PCDHA10: variants seen among roughly 807,000 people sequenced by gnomAD.
PCDHA10 encodes protocadherin alpha 10, also known as protocadherin alpha-10.
PCDHA10 carries 45 observed loss-of-function variants against 61.2 expected under a neutral mutation model. The observed-to-expected ratio is 0.74, with a 90% CI of 0.58 to 0.94. PCDHA10 has a LOEUF of 0.94. Among genes scored for constraint, PCDHA10 ranks in the 40% least tolerant of loss-of-function variants. The pLI is 0.00. For missense variants in PCDHA10, 1,278 were observed against 1,236.2 expected, an observed-to-expected ratio of 1.03 and a Z score of -0.51; for synonymous variants, 602 against 548.8, an observed-to-expected ratio of 1.10 and a Z score of -1.35.
chr5:140,876,729 G>C lies in PCDHA10; in HGVS notation c.2388+18293G>C, dbSNP rs781841207. The C allele has an allele frequency of 3.1e-6, 5 of 1,614,102 alleles. No homozygotes were observed. The East Asian group carries it at 6.7e-5, about 22-fold the overall frequency. On this transcript the variant is annotated intron_variant, in intron 1 of 3. Transcript: ENST00000307360. ...GCGCCCTGGACCGCGAGAGCGTGTC[G>C]GCCTATGAGCTGGTGGTGACTGCGC...
At position 141,010,430 on chromosome 5, in the gene PCDHA10, A is replaced by T; in HGVS notation, c.*493A>T. On this transcript the variant is annotated 3_prime_UTR_variant, in exon 4 of 4. Transcript: ENST00000307360. ...CTAATTGGTACAAGGAAGGCAAGAA[A>T]ACAAAGACAAATAAACAGCGGAAGT... 9.4e-7 allele frequency: 1 copy of T among 1,058,474 alleles called. No homozygotes were observed. Among genetic ancestry groups the T allele is most frequent in the Non-Finnish European group, 1.3e-6 (1 of 756,992 alleles). 65.6% of individuals were successfully genotyped at this position (1,058,474 alleles called of 1,614,324 possible). A position where few individuals can be genotyped will look rare whatever the true frequency, so the allele number is the denominator to read the frequency against.
At chr5:140,957,255 T>C (rs577479092) in intron 1 of PCDHA10, among the ~76,000 whole-genome samples, 88 of 152,306 alleles carry the variant, frequency 5.8e-4, no homozygotes, top group Non-Finnish European at 1.0e-3. Flanking sequence ...AAAATTTAAA[T>C]ATGTAAGCAC....
At chr5:140,871,116 C>T (rs200344692) in intron 1 of PCDHA10, 44 of 1,613,146 alleles carry the variant, frequency 2.7e-5, no homozygotes, top group Non-Finnish European at 3.6e-5. Flanking sequence ...TGGTGGAGAG[C>T]GGACAGGCGC....
intron 1 of PCDHA10, among the ~76,000 whole-genome samples, chr5:140,976,553 A>G (rs1554237789): frequency 1.3e-5 from 2 of 152,074 alleles, no homozygotes; most frequent in Non-Finnish European, 2.9e-5. Context: ...CCTATCTCAT[A>G]AATAAATAAA....
intron 1 of PCDHA10, chr5:140,866,748 C>CT (rs2049539198): frequency 6.6e-6 from 1 of 152,148 alleles, no homozygotes; most frequent in Non-Finnish European, 1.5e-5. Context: ...ACTTATATGA[C>CT]TAACAGGACA....
chr5:140,916,003 A>G (rs971043760), intron 1 of PCDHA10, among the ~76,000 whole-genome samples: 1 of 152,146 alleles, frequency 6.6e-6, no homozygotes, highest in Non-Finnish European at 1.5e-5. Context: ...CACTCAAACC[A>G]CAAGACAAAG....
chr5:140,926,349 G>A (rs1405832516), intron 1 of PCDHA10: 2 of 152,260 alleles, frequency 1.3e-5, no homozygotes, highest in Admixed American at 1.3e-4. Flanking sequence ...CCCGACGCGC[G>A]GCTCCCAAAG....
chr5:140,858,857 T>C, intron 1 of PCDHA10: 1 of 267,758 alleles, frequency 3.7e-6, no homozygotes, highest in South Asian at 4.6e-5. Flanking sequence ...CTATATCTCT[T>C]CAGTGAAAAT....
At chr5:140,923,185 A>G (rs536691139) in intron 1 of PCDHA10, among the ~76,000 whole-genome samples, 1 of 152,324 alleles carries the variant, frequency 6.6e-6, no homozygotes, top group East Asian at 1.9e-4. Flanking sequence ...AGATGCATCT[A>G]CTGCAGCAAT....
At chr5:140,926,333 C>A (rs1244364456) in intron 1 of PCDHA10, 3 of 152,288 alleles carry the variant, frequency 2.0e-5, no homozygotes, top group African/African-American at 7.2e-5. Flanking sequence ...GGTCAGAGCG[C>A]CGGGACCCGA....
At chr5:140,883,467 C>T in intron 1 of PCDHA10, 1 of 1,614,170 alleles carries the variant, frequency 6.2e-7, no homozygotes, top group Non-Finnish European at 8.5e-7. Flanking sequence ...CTGGTGTCCA[C>T]CTACAAGAAC....
chr5:140,994,142 G>A (rs550428204), intron 3 of PCDHA10, among the ~76,000 whole-genome samples: 21 of 152,298 alleles, frequency 1.4e-4, no homozygotes, highest in South Asian at 4.1e-4. Context: ...AATGCCCTAC[G>A]TAGGTAGGGT....
intron 1 of PCDHA10, among the ~76,000 whole-genome samples, chr5:140,902,299 A>G (rs2069363932): frequency 6.6e-6 from 1 of 150,916 alleles, no homozygotes; most frequent in Admixed American, 6.6e-5. Flanking sequence ...CAGCCTCCCA[A>G]AGTGCTGGGA....
At chr5:141,003,941 G>A (rs532794918) in intron 3 of PCDHA10, among the ~76,000 whole-genome samples, 1 of 152,236 alleles carries the variant, frequency 6.6e-6, no homozygotes, top group African/African-American at 2.4e-5. Flanking sequence ...TTTGCCTGAG[G>A]GTGAGCTAGG....
At chr5:140,945,147 T>C (rs1554216774) in intron 1 of PCDHA10, among the ~76,000 whole-genome samples, 1 of 152,154 alleles carries the variant, frequency 6.6e-6, no homozygotes, top group Non-Finnish European at 1.5e-5. Flanking sequence ...ATAGCATTTC[T>C]ATACACTATT....
chr5:140,966,545 G>T (rs1554228431), intron 1 of PCDHA10: 1 of 465,862 alleles, frequency 2.1e-6, no homozygotes, highest in East Asian at 3.5e-5. Context: ...CGACTCGGAG[G>T]CGAGCGGAGG....
intron 1 of PCDHA10, chr5:140,859,420 CT>C (rs2045858037): frequency 8.6e-6 from 2 of 233,034 alleles, no homozygotes; most frequent in Non-Finnish European, 8.1e-6. Context: ...ATGATATAGA[CT>C]CAGAAATGAA....
intron 1 of PCDHA10, chr5:140,870,333 C>T (rs564033882): frequency 1.2e-6 from 2 of 1,614,164 alleles, no homozygotes; most frequent in South Asian, 2.2e-5. Flanking sequence ...TGCTGGACAG[C>T]GCCCTGGACC....
At position 140,856,500 on chromosome 5, in the gene PCDHA10, T is replaced by G. The variant is rs371158035; in HGVS notation, c.452T>G (p.Phe151Cys). 1.4e-5 allele frequency: 22 copies of G among 1,598,280 alleles called. 1 individual carries two copies. The African/African-American group carries it at 3.0e-4, about 22-fold the overall frequency. ...IPESRLLDSR[F>C]PLEGASDADV... ...GAATCCAGACTGCTTGACTCTCGAT[T>G]TCCACTAGAAGGCGCATCTGATGCG... Residue 151 changes from phenylalanine (F) to cysteine (C), a missense_variant, in exon 1 of 4, where the codon TTT becomes TGT. Transcript: ENST00000307360.
Sources: gnomAD v4.1 joint callset for allele counts (sites outside exome capture counted in the v4.1 genomes callset) on GRCh38, gnomAD v4.1.1 for gene constraint, MANE v1.5 for transcripts, NCBI Gene and HGNC (gene_info 2026-07-23, HGNC 2026-07-21) for gene names.